TAFA1: variants seen among roughly 807,000 people sequenced by gnomAD.
The protein encoded by TAFA1 is TAFA chemokine like family member 1, also known as chemokine-like protein TAFA-1.
In TAFA1, 4 loss-of-function variants were observed where a neutral mutation model predicts 18.5. The observed-to-expected ratio is 0.22, with a 90% CI of 0.11 to 0.49. The LOEUF (loss-of-function observed/expected upper bound fraction) is 0.49, where lower values mean the gene tolerates loss of function less well. Ranked by LOEUF, TAFA1 falls within the 20% of genes least tolerant of loss-of-function variation. The pLI is 0.98. For synonymous variants in TAFA1, 56 were observed against 55.2 expected (o/e 1.01, Z -0.06); for missense variants, 147 against 169.0 (o/e 0.87, Z 0.72).
Position 68,303,669 on chromosome 3 carries a change from T to A in TAFA1, c.119-113611T>A, listed in dbSNP as rs529339013. On this transcript the variant is annotated intron_variant, in intron 2 of 4. Transcript: ENST00000478136. The stretch of plus-strand genomic sequence containing the variant: ...TTTCACTGTGTTAGCCGGGATGGTC[T>A]TGATCTCCTGACCTCGTGATCCGCC... Among the ~76,000 whole-genome samples, 3 of 152,212 alleles carry A rather than the reference T, an allele frequency of 2.0e-5. No homozygotes were observed. The South Asian group carries it at 6.2e-4, about 32-fold the overall frequency.
At chr3:68,289,246 C>A (rs1301959338) in intron 2 of TAFA1, among the ~76,000 whole-genome samples, 1 of 152,074 alleles carries the variant, frequency 6.6e-6, no homozygotes, top group African/African-American at 2.4e-5. Flanking sequence ...AACAAAAGCC[C>A]ACTATATAGG....
intron 2 of TAFA1, among the ~76,000 whole-genome samples, chr3:68,320,607 C>A (rs986002322): frequency 5.3e-5 from 8 of 152,300 alleles, no homozygotes; most frequent in African/African-American, 1.9e-4. Flanking sequence ...AGTAAACTTA[C>A]CTGCCTGGGC....
At chr3:68,048,569 T>A (rs2064423394) in intron 2 of TAFA1, among the ~76,000 whole-genome samples, 1 of 152,268 alleles carries the variant, frequency 6.6e-6, no homozygotes, top group Non-Finnish European at 1.5e-5. Context: ...TCCATATTTT[T>A]GTACACATCA....
At chr3:68,391,194 C>T (rs1010802616) in intron 2 of TAFA1, among the ~76,000 whole-genome samples, 16 of 151,980 alleles carry the variant, frequency 1.1e-4, no homozygotes, top group African/African-American at 3.6e-4. Context: ...AAAAACACAG[C>T]GTGAGAACTT....
At chr3:68,468,072 A>G (rs2071924826) in intron 3 of TAFA1, among the ~76,000 whole-genome samples, 1 of 152,210 alleles carries the variant, frequency 6.6e-6, no homozygotes, top group Non-Finnish European at 1.5e-5. Flanking sequence ...ATTTTCTTCC[A>G]GGGCACAAAT....
intron 2 of TAFA1, among the ~76,000 whole-genome samples, chr3:68,148,746 G>A (rs1344916607): frequency 6.6e-6 from 1 of 152,134 alleles, no homozygotes; most frequent in Non-Finnish European, 1.5e-5. Flanking sequence ...CCTTCTTTGG[G>A]GAGGCAGAGC....
rs1399564250 is a variant in TAFA1, at chr3:68,237,425, C to T, written c.119-179855C>T. On this transcript the variant is annotated intron_variant, in intron 2 of 4. Coordinates refer to ENST00000478136, the MANE Select transcript of TAFA1 (RefSeq NM_213609.4). ...GGGGTAGGGAGGGCTTGGGAGGACA[C>T]AAACATTCAGACCATAGCAATAACA... Among the ~76,000 whole-genome samples, 4 of 152,200 alleles carry T rather than the reference C, an allele frequency of 2.6e-5. No homozygotes were observed. The East Asian group carries it at 5.8e-4, about 22-fold the overall frequency.
intron 2 of TAFA1, among the ~76,000 whole-genome samples, chr3:68,324,868 G>T (rs62245764): frequency 0.12 from 18,853 of 152,152 alleles, 1,553 homozygotes; most frequent in Middle Eastern, 0.23. Flanking sequence ...GGAAAGGGAT[G>T]ATTTGTTCTG....
chr3:68,537,561 G>A (rs1172978482), intron 3 of TAFA1, among the ~76,000 whole-genome samples: 3 of 152,104 alleles, frequency 2.0e-5, no homozygotes, highest in African/African-American at 4.8e-5. Flanking sequence ...AAAAGTGTCA[G>A]ACTCTCAGTT....
At chr3:68,060,997 T>C (rs2064595449) in intron 2 of TAFA1, among the ~76,000 whole-genome samples, 1 of 152,222 alleles carries the variant, frequency 6.6e-6, no homozygotes, top group Admixed American at 6.5e-5. Flanking sequence ...TATTCCTCTT[T>C]AGCGTGTGTG....
chr3:68,297,819 T>C (rs897062793), intron 2 of TAFA1, among the ~76,000 whole-genome samples: 1 of 152,184 alleles, frequency 6.6e-6, no homozygotes, highest in African/African-American at 2.4e-5. Flanking sequence ...TTCCTCCTTG[T>C]GAAATTTTCT....
chr3:68,336,840 C>A (rs1207032738), intron 2 of TAFA1, among the ~76,000 whole-genome samples: 1 of 152,192 alleles, frequency 6.6e-6, no homozygotes, highest in African/African-American at 2.4e-5. Flanking sequence ...TCTCCTGCCT[C>A]AGCCTCCCAA....
chr3:68,302,308 C>T (rs973251756), intron 2 of TAFA1, among the ~76,000 whole-genome samples: 1 of 152,176 alleles, frequency 6.6e-6, no homozygotes, highest in African/African-American at 2.4e-5. Flanking sequence ...AATTCAGTGA[C>T]TATTTACTGA....
At chr3:68,508,822 A>G (rs79278026) in intron 3 of TAFA1, among the ~76,000 whole-genome samples, 1 of 152,190 alleles carries the variant, frequency 6.6e-6, no homozygotes, top group East Asian at 1.9e-4. Flanking sequence ...ATAAAGTGGT[A>G]TAGATAGAGT....
intron 2 of TAFA1, among the ~76,000 whole-genome samples, chr3:68,273,689 G>A (rs1447665015): frequency 1.3e-5 from 2 of 152,138 alleles, no homozygotes; most frequent in Non-Finnish European, 2.9e-5. Context: ...GAGAATATAA[G>A]AATGGAAGCT....
At chr3:68,187,123 A>C (rs995776523) in intron 2 of TAFA1, among the ~76,000 whole-genome samples, 3 of 151,960 alleles carry the variant, frequency 2.0e-5, no homozygotes, top group African/African-American at 7.2e-5. Flanking sequence ...TTTACCTGTT[A>C]TTATTTGGTG....
intron 2 of TAFA1, among the ~76,000 whole-genome samples, chr3:68,086,916 G>C (rs1174088491): frequency 6.6e-6 from 1 of 152,148 alleles, no homozygotes; most frequent in African/African-American, 2.4e-5. Context: ...GGATGTTAGA[G>C]CATTATTTTC....
At chr3:68,268,427 G>C (rs925915250) in intron 2 of TAFA1, among the ~76,000 whole-genome samples, 6 of 152,068 alleles carry the variant, frequency 3.9e-5, no homozygotes, top group African/African-American at 7.2e-5. Flanking sequence ...AGACATGGAT[G>C]GGGGGAGCCA....
chr3:68,485,468 T>C (rs1462912747), intron 3 of TAFA1, among the ~76,000 whole-genome samples: 1 of 152,140 alleles, frequency 6.6e-6, no homozygotes, highest in Non-Finnish European at 1.5e-5. Context: ...TTTAGATGAG[T>C]GTACCTGATG....
Sources: allele counts gnomAD v4.1 joint callset (sites outside exome capture counted in the v4.1 genomes callset), GRCh38; gene constraint gnomAD v4.1.1; transcripts MANE v1.5; gene names NCBI Gene and HGNC (gene_info 2026-07-23, HGNC 2026-07-21).